ZBTB21: variants seen among roughly 807,000 people sequenced by gnomAD.
ZBTB21 encodes the protein zinc finger and BTB domain-containing protein 21.
In ZBTB21, 10 loss-of-function variants were observed where a neutral mutation model predicts 39.8. The ratio of observed to expected loss-of-function variants is 0.25; its 90% confidence interval spans 0.16 to 0.43. The LOEUF (loss-of-function observed/expected upper bound fraction) is 0.43, where lower values mean the gene tolerates loss of function less well. ZBTB21 is among the 20% of genes least tolerant of loss of function. The probability of loss-of-function intolerance (pLI) is 1.00; values close to 1 mark genes in which losing one functional copy is unlikely to be tolerated. For synonymous variants in ZBTB21, 551 were observed against 498.8 expected, an observed-to-expected ratio of 1.10 and a Z score of -1.40; for missense variants, 1,221 against 1,296.3, an observed-to-expected ratio of 0.94 and a Z score of 0.89.
chr21:41,993,787 T>C lies in ZBTB21; in HGVS notation c.309A>G (p.Gln103=), dbSNP rs770081005. Reference sequence around the variant, plus strand: ...AAATCCCAAGACTATAGCCAAGTTCTTGCACAGCAGCAAGGCTGCTCTTCT... The same window carrying C: ...AAATCCCAAGACTATAGCCAAGTTCCTGCACAGCAGCAAGGCTGCTCTTCT... The part of the protein sequence containing the change: ...FVEKSSLAAV[Q]ELGYSLGISF... Residue 103 remains glutamine, a synonymous_variant, in exon 3 of 3, where the codon CAA becomes CAG. Coordinates refer to ENST00000310826, the MANE Select transcript of ZBTB21 (RefSeq NM_001098402.2). 1.7e-5 allele frequency: 27 copies of C among 1,614,112 alleles called. No homozygotes were observed. The highest frequency in any genetic ancestry group is 1.9e-5 in the Non-Finnish European group (22 of 1,180,050).
In ZBTB21 at chr21:41,992,128, T is replaced by C. The variant is rs2065669159; in HGVS notation, c.1968A>G (p.Gln656=). Residue 656 remains glutamine, a synonymous_variant, in exon 3 of 3, where the codon CAA becomes CAG. Transcript: ENST00000310826. The surrounding 1 kb of genome is among the most constrained non-coding windows in gnomAD (Gnocchi z 4.1). Reference sequence around the variant, plus strand: ...GAGATCTCAAGTTCCTCTTGATGACTTGCTGTGCTTGGGAGCTACTCTGTC... The same window carrying C: ...GAGATCTCAAGTTCCTCTTGATGACCTGCTGTGCTTGGGAGCTACTCTGTC... ...FQGQSSSQAQ[Q]VIKRNLRSRA... is the part of the protein sequence containing the mutation. 2 of 1,614,150 alleles carry C rather than the reference T, an allele frequency of 1.2e-6. No individual in the cohort carries two copies. Among genetic ancestry groups the C allele is most frequent in the South Asian group, 1.1e-5 (1 of 91,088 alleles).
chr21:42,003,269 A>G (rs1234571326), intron 1 of ZBTB21, among the ~76,000 whole-genome samples: 1 of 152,124 alleles, frequency 6.6e-6, no homozygotes, highest in African/African-American at 2.4e-5. Flanking sequence ...ACTTCCCCTC[A>G]CAGATGCTTG....
intron 1 of ZBTB21, among the ~76,000 whole-genome samples, chr21:42,004,325 A>G (rs2065852947): frequency 1.3e-5 from 2 of 152,180 alleles, no homozygotes; most frequent in African/African-American, 4.8e-5. Flanking sequence ...CTCATATCTT[A>G]ACATAAATTA....
At chr21:42,003,838 T>G (rs147424318) in intron 1 of ZBTB21, among the ~76,000 whole-genome samples, 1,843 of 152,328 alleles carry the variant, frequency 0.012, 25 homozygotes, top group Non-Finnish European at 0.015. Flanking sequence ...CATCTGGCCT[T>G]GCTGGGGCTT....
chr21:42,008,540 C>T (rs1488251581), intron 1 of ZBTB21, among the ~76,000 whole-genome samples: 3 of 60,332 alleles, frequency 5.0e-5, no homozygotes, highest in South Asian at 1.3e-3. Context: ...GAAACTCTGT[C>T]AAAAAAAAAA....
chr21:42,010,319 C>T lies in ZBTB21; in HGVS notation c.-146G>A, dbSNP rs533656613. ...ACACTCGGCTCGCGCGCGCCGCAGC[C>T]GCCGCTGCCGCTGTGATTCCATCCA... On this transcript the variant is annotated 5_prime_UTR_variant, in exon 1 of 3. Coordinates refer to ENST00000310826, the MANE Select transcript of ZBTB21 (RefSeq NM_001098402.2). 4 of 398,282 alleles carry T rather than the reference C, an allele frequency of 1.0e-5. No individual in the cohort carries two copies. Among genetic ancestry groups the T allele is most frequent in the Non-Finnish European group, 1.8e-5 (4 of 225,988 alleles). 24.7% of individuals were successfully genotyped at this position (398,282 alleles called of 1,614,324 possible).
chr21:42,004,431 A>G (rs1398415601), intron 1 of ZBTB21, among the ~76,000 whole-genome samples: 1 of 152,210 alleles, frequency 6.6e-6, no homozygotes, highest in Non-Finnish European at 1.5e-5. Context: ...TTTCGAATAT[A>G]GAGCATTCTA....
chr21:41,999,598 C>CT (rs1382091118), intron 2 of ZBTB21, among the ~76,000 whole-genome samples: 2 of 152,182 alleles, frequency 1.3e-5, no homozygotes, highest in Non-Finnish European at 2.9e-5. Flanking sequence ...TAGTCGCTAC[C>CT]ATTTATATAG....
chr21:41,996,263 T>C (rs1804958081), intron 2 of ZBTB21, among the ~76,000 whole-genome samples: 1 of 152,140 alleles, frequency 6.6e-6, no homozygotes, highest in Non-Finnish European at 1.5e-5. Flanking sequence ...TGCCAGCCCA[T>C]AAAAGCAGCC....
chr21:42,001,927 G>GC (rs1352404341), intron 2 of ZBTB21, among the ~76,000 whole-genome samples: 5 of 152,198 alleles, frequency 3.3e-5, no homozygotes, highest in Non-Finnish European at 7.3e-5. Context: ...TGCAGTACAT[G>GC]CAACACTACA....
intron 1 of ZBTB21, among the ~76,000 whole-genome samples, chr21:42,003,741 C>T (rs1235164911): frequency 1.3e-5 from 2 of 152,170 alleles, no homozygotes; most frequent in African/African-American, 4.8e-5. Flanking sequence ...CTTCTGGTCC[C>T]AAGCATTTCA....
In ZBTB21 at chr21:41,993,988, A is replaced by G. The variant is rs762255956; in HGVS notation, c.108T>C (p.Val36=). ...KGQLCDVLLI[V]GDQKFRAHKN... is the part of the protein sequence containing the mutation. ...TATGAGCTCGGAACTTTTGGTCTCC[A>G]ACAATCAGCAGCACATCACACAGCT... is the stretch of plus-strand genomic sequence containing the variant. The change falls in exon 3 of 3, where the codon GTT becomes GTC. Residue 36 remains valine (V), a synonymous_variant. Transcript: ENST00000310826. 7.4e-6 allele frequency: 12 copies of G among 1,614,258 alleles called. No individual in the cohort carries two copies. The highest frequency in any genetic ancestry group is 1.0e-5 in the Non-Finnish European group (12 of 1,180,042).
chr21:42,006,673 C>T (rs2065882924), intron 1 of ZBTB21, among the ~76,000 whole-genome samples: 1 of 152,112 alleles, frequency 6.6e-6, no homozygotes, highest in South Asian at 2.1e-4. Context: ...TGAATTGTGT[C>T]CCCACTCTTC....
chr21:42,004,383 T>C (rs1229355931), intron 1 of ZBTB21, among the ~76,000 whole-genome samples: 1 of 152,052 alleles, frequency 6.6e-6, no homozygotes. Context: ...ATCAGTTGTA[T>C]GGAATTAAGA....
intron 1 of ZBTB21, 116 bp downstream of exon 1, chr21:42,010,136 A>G (rs2065944067): frequency 2.6e-6 from 1 of 389,050 alleles, no homozygotes; most frequent in East Asian, 3.6e-5. Context: ...TGGAGAAAAA[A>G]GAGGAGAGAA....
chr21:41,998,603 C>T (rs181971356), intron 2 of ZBTB21, among the ~76,000 whole-genome samples: 9 of 152,122 alleles, frequency 5.9e-5, no homozygotes, highest in South Asian at 2.1e-4. Flanking sequence ...CTTTCTCTAG[C>T]GGGCAAACTG....
chr21:42,004,672 AC>A (rs1211954866), intron 1 of ZBTB21, among the ~76,000 whole-genome samples: 12 of 152,126 alleles, frequency 7.9e-5, no homozygotes, highest in South Asian at 6.2e-4. Flanking sequence ...CTAGATTTCA[AC>A]TCTGGGAACA....
intron 1 of ZBTB21, among the ~76,000 whole-genome samples, chr21:42,006,440 A>AG (rs2146343695): frequency 6.6e-6 from 1 of 152,076 alleles, no homozygotes; most frequent in East Asian, 1.9e-4. Flanking sequence ...AAAAAAAAAA[A>AG]AAAATTTTTT....
chr21:41,998,859 T>A lies in ZBTB21; in HGVS notation c.-14+4038A>T, dbSNP rs141229471. 1.8e-3 allele frequency among the ~76,000 whole-genome samples: 279 copies of A among 152,338 alleles called. 2 individuals carry two copies. Among genetic ancestry groups the A allele is most frequent in the African/African-American group, 6.4e-3 (265 of 41,578 alleles). On this transcript the variant is annotated intron_variant, in intron 2 of 2. Transcript: ENST00000310826. ...GCCTGTCCACAAACAACTACTTTGG[T>A]CAGACTGTACCAAGTTTCTGTCCAC...
Sources: gnomAD v4.1 joint callset for allele counts (sites outside exome capture counted in the v4.1 genomes callset) on GRCh38, gnomAD v4.1.1 for gene constraint, Gnocchi (gnomAD v3.1) non-coding constraint, MANE v1.5 for transcripts, NCBI Gene and HGNC (gene_info 2026-07-23, HGNC 2026-07-21) for gene names.